Variants in METTL15 observed in about 807,000 individuals in gnomAD.
METTL15 encodes methyltransferase 15, mitochondrial 12S rRNA N4-cytidine, also known as 12S rRNA N(4)-cytidine methyltransferase METTL15.
Under a neutral mutation model 38.3 loss-of-function variants are expected in METTL15, and 34 were observed. The ratio of observed to expected loss-of-function variants is 0.89; its 90% CI spans 0.68 to 1.18. The LOEUF is 1.18. Among genes scored for constraint, METTL15 ranks in the 50% most tolerant of loss-of-function variants. METTL15 has a pLI of 0.00. For synonymous variants in METTL15, 162 were observed against 170.9 expected (o/e 0.95, Z 0.41); for missense variants, 438 against 498.4 (o/e 0.88, Z 1.15).
At chr11:28,353,893 CCGCAG>C (rs1850066195) in intron 4 of METTL15, among the ~76,000 whole-genome samples, 1 of 148,752 alleles carries the variant, frequency 6.7e-6, no homozygotes, top group East Asian at 2.0e-4. Flanking sequence ...CCACTGCAGT[CCGCAG>C]TCCGGCCTGG....
intron 5 of METTL15, among the ~76,000 whole-genome samples, chr11:28,420,939 TA>T (rs1225540137): frequency 6.6e-6 from 1 of 151,558 alleles, no homozygotes; most frequent in East Asian, 1.9e-4. Context: ...TTTAAAAAGA[TA>T]AACAAAATTG....
At chr11:28,200,853 CAG>C (rs1367374099) in intron 3 of METTL15, among the ~76,000 whole-genome samples, 1 of 152,108 alleles carries the variant, frequency 6.6e-6, no homozygotes, top group African/African-American at 2.4e-5. Flanking sequence ...CATCTTCAGA[CAG>C]AGACAAATTG....
intron 3 of METTL15, among the ~76,000 whole-genome samples, chr11:28,122,858 A>G (rs1852311670): frequency 6.6e-6 from 1 of 151,930 alleles, no homozygotes; most frequent in Non-Finnish European, 1.5e-5. Flanking sequence ...TCTTTTTTCT[A>G]GTTGTTCTTT....
intron 3 of METTL15, among the ~76,000 whole-genome samples, chr11:28,144,248 T>C (rs1849802976): frequency 6.6e-6 from 1 of 152,144 alleles, no homozygotes; most frequent in Admixed American, 6.6e-5. Flanking sequence ...AATATATAGA[T>C]CTGTTCTTTA....
intron 5 of METTL15, among the ~76,000 whole-genome samples, chr11:28,422,371 G>A (rs564247145): frequency 2.0e-4 from 30 of 151,988 alleles, no homozygotes; most frequent in African/African-American, 7.0e-4. Flanking sequence ...AAAAGACCCA[G>A]ATATCCAAAA....
intron 6 of METTL15, among the ~76,000 whole-genome samples, chr11:28,305,692 T>A (rs753384354): frequency 2.6e-5 from 4 of 152,114 alleles, no homozygotes; most frequent in Non-Finnish European, 4.4e-5. Context: ...ACTTTGTATC[T>A]TGTGATAAAT....
intron 6 of METTL15, among the ~76,000 whole-genome samples, chr11:28,475,188 C>T (rs1851335177): frequency 6.6e-6 from 1 of 152,142 alleles, no homozygotes; most frequent in South Asian, 2.1e-4. Flanking sequence ...GCTAGAGGCC[C>T]TATTAGGGAC....
intron 6 of METTL15, among the ~76,000 whole-genome samples, chr11:28,329,136 A>T (rs1046727524): frequency 6.6e-5 from 10 of 152,104 alleles, no homozygotes; most frequent in Admixed American, 2.6e-4. Context: ...TTGTTTTTGT[A>T]TATGATGTAA....
At chr11:28,272,070 A>G (rs1001072713) in intron 4 of METTL15, among the ~76,000 whole-genome samples, 2 of 152,200 alleles carry the variant, frequency 1.3e-5, no homozygotes, top group East Asian at 1.9e-4. Flanking sequence ...AGGAAATAAC[A>G]TATGCTGGAG....
At chr11:28,221,739 T>G (rs1210837091) in intron 4 of METTL15, among the ~76,000 whole-genome samples, 3 of 152,168 alleles carry the variant, frequency 2.0e-5, no homozygotes, top group Non-Finnish European at 2.9e-5. Context: ...TTGGTGTGGA[T>G]GTCCTTTCTG....
At chr11:28,317,640 A>G (rs957365559) in intron 6 of METTL15, among the ~76,000 whole-genome samples, 14 of 152,146 alleles carry the variant, frequency 9.2e-5, no homozygotes, top group African/African-American at 2.7e-4. Context: ...AAAAATTGCA[A>G]TTTCTCTCTG....
chr11:28,354,790 C>G (rs771539238), intron 4 of METTL15, among the ~76,000 whole-genome samples: 3 of 152,116 alleles, frequency 2.0e-5, no homozygotes, highest in Non-Finnish European at 4.4e-5. Flanking sequence ...ATTTTTAAAT[C>G]AGTATTGAAC....
Position 28,113,435 on chromosome 11 carries a change from A to C in METTL15, c.101A>C (p.His34Pro). The change falls in exon 3 of 7, where the codon CAT (histidine) becomes CCT (proline). Residue 34 changes from histidine (H) to proline (P), a missense_variant. His to Pro is a moderately conservative substitution (Grantham distance 77). Transcript: ENST00000407364. ...PNLGVWPNRIHTTAEKYREYE... is the reference protein window; with the variant it reads ...PNLGVWPNRIPTTAEKYREYE... The stretch of plus-strand genomic sequence containing the variant: ...TTAGGTGTCTGGCCAAACAGAATAC[A>C]TACTACAGCAGAAAAATATAGAGAA... The C allele has an allele frequency of 6.2e-7, 1 of 1,608,688 alleles. No individual in the cohort carries two copies. The highest frequency in any genetic ancestry group is 8.5e-7 in the Non-Finnish European group (1 of 1,177,620).
rs187850202 is a variant in METTL15 at position 28,110,191 on chromosome 11, A to G, written c.-228A>G. ...GAAAGTCGTTTGGAAACCCCAGGCC[A>G]ACAGGACCCTTTGGCAGCTGAGGCT... On this transcript the variant is annotated 5_prime_UTR_variant, in exon 2 of 7. Coordinates refer to ENST00000407364, the MANE Select transcript of METTL15 (RefSeq NM_001113528.2). The G allele has an allele frequency of 5.3e-5, 8 of 152,366 alleles. No individual in the cohort carries two copies. In the East Asian group the frequency reaches 1.4e-3, roughly 26 times the overall value. 9.4% of individuals were successfully genotyped at this position (152,366 alleles called of 1,614,324 possible).
At chr11:28,396,468 C>A (rs927370654) in intron 5 of METTL15, among the ~76,000 whole-genome samples, 1 of 152,124 alleles carries the variant, frequency 6.6e-6, no homozygotes, top group Non-Finnish European at 1.5e-5. Context: ...AGAGCCAAAT[C>A]ATGAGTGAAC....
chr11:28,507,122 A>C (rs1431600715), intron 6 of METTL15, among the ~76,000 whole-genome samples: 1 of 152,162 alleles, frequency 6.6e-6, no homozygotes, highest in African/African-American at 2.4e-5. Context: ...CTAAATGTCT[A>C]CATTAATTAG....
At position 28,210,343 on chromosome 11, in the gene METTL15, G is replaced by T. The variant is rs533780608; in HGVS notation, c.271-719G>T. Among the ~76,000 whole-genome samples the T allele has an allele frequency of 2.6e-5, 4 of 152,016 alleles. No individual in the cohort carries two copies. In the East Asian group the frequency reaches 7.7e-4, roughly 29 times the overall value. ...TGTTACCTTAACAATTAGGCAGGTG[G>T]TGATGGTATCTTCTTTTCTTCTTCA... On this transcript the variant is annotated intron_variant, in intron 3 of 6. Transcript: ENST00000407364.
chr11:28,427,091 C>G (rs1850872102), intron 6 of METTL15, among the ~76,000 whole-genome samples: 1 of 152,022 alleles, frequency 6.6e-6, no homozygotes, highest in Non-Finnish European at 1.5e-5. Context: ...GTCTTTAATC[C>G]ATCTTGAATT....
rs111884031 is a variant in METTL15, at chr11:28,120,251, CT to C, written c.270+6662del. Among the ~76,000 whole-genome samples the C allele has an allele frequency of 8.1e-3, 1,112 of 136,736 alleles. 10 individuals carry two copies. The highest frequency in any genetic ancestry group is 0.021 in the African/African-American group (774 of 37,578). The allele number at this position is 136,736 out of a possible 152,430, so 89.7% of individuals were successfully genotyped here. A position where few individuals can be genotyped will look rare whatever the true frequency, so the allele number is the denominator to read the frequency against. On this transcript the variant is annotated intron_variant, in intron 3 of 6. Coordinates refer to ENST00000407364, the MANE Select transcript of METTL15 (RefSeq NM_001113528.2). ...ACAGGTGTAAGCCACTGTGCCCAGCCTTTTTTTTTTTTTTTCTTCTTAAGAA... is the reference window on the plus strand; with the variant it reads ...ACAGGTGTAAGCCACTGTGCCCAGCCTTTTTTTTTTTTTTCTTCTTAAGAA...
Sources: gnomAD v4.1 joint callset for allele counts (sites outside exome capture counted in the v4.1 genomes callset) on GRCh38, gnomAD v4.1.1 for gene constraint, MANE v1.5 for transcripts, NCBI Gene and HGNC (gene_info 2026-07-23, HGNC 2026-07-21) for gene names.